The following CNTN1 variants were observed in gnomAD, a reference collection of about 807,000 sequenced individuals.
CNTN1 encodes the protein contactin 1, also known as contactin-1.
A neutral mutation model predicts 126.4 loss-of-function variants in CNTN1; 38 were observed. The ratio of observed to expected loss-of-function variants is 0.30; its 90% CI spans 0.23 to 0.39. The LOEUF (loss-of-function observed/expected upper bound fraction) is 0.39, where lower values mean the gene tolerates loss of function less well. CNTN1 is among the 10% of genes least tolerant of loss of function. The pLI is 1.00. For synonymous variants in CNTN1, 413 were observed against 422.6 expected (o/e 0.98, Z 0.28); for missense variants, 1,009 against 1,248.4 (o/e 0.81, Z 2.89).
At chr12:40,913,862 T>G (rs1001508244) in intron 3 of CNTN1, among the ~76,000 whole-genome samples, 2 of 152,188 alleles carry the variant, frequency 1.3e-5, no homozygotes, top group Admixed American at 6.5e-5. Context: ...CTTAGTCTTT[T>G]TGATCACATT....
At chr12:41,000,259 A>G (rs907097179) in intron 17 of CNTN1, among the ~76,000 whole-genome samples, 2 of 152,208 alleles carry the variant, frequency 1.3e-5, no homozygotes, top group African/African-American at 4.8e-5. Context: ...GGAAGGCAAT[A>G]TTTGATTCAA....
At chr12:40,885,827 TTATCAGGA>T (rs1283701038) in intron 1 of CNTN1, among the ~76,000 whole-genome samples, 1 of 152,058 alleles carries the variant, frequency 6.6e-6, no homozygotes. Flanking sequence ...TTGAGTCTTG[TTATCAGGA>T]GCTGGTATAG....
chr12:40,803,694 A>G (rs1940736165), intron 1 of CNTN1, among the ~76,000 whole-genome samples: 1 of 151,952 alleles, frequency 6.6e-6, no homozygotes, highest in Non-Finnish European at 1.5e-5. Context: ...TGAATTTATT[A>G]TATATGATCT....
At chr12:40,715,448 A>C (rs1392526709) in intron 1 of CNTN1, among the ~76,000 whole-genome samples, 1 of 152,174 alleles carries the variant, frequency 6.6e-6, no homozygotes, top group East Asian at 1.9e-4. Flanking sequence ...CCTTCATTTA[A>C]CATTACTAAT....
chr12:40,850,135 T>G (rs1201255592), intron 1 of CNTN1, among the ~76,000 whole-genome samples: 1 of 152,134 alleles, frequency 6.6e-6, no homozygotes, highest in Non-Finnish European at 1.5e-5. Flanking sequence ...GAAATTGTGA[T>G]TTTTACACAG....
At chr12:40,940,294 A>G (rs1442014467) in intron 12 of CNTN1, among the ~76,000 whole-genome samples, 1 of 152,006 alleles carries the variant, frequency 6.6e-6, no homozygotes, top group Admixed American at 6.6e-5. Flanking sequence ...AATCAGTGTG[A>G]TTTGTCTTTA....
chr12:40,861,374 T>A (rs312282), intron 1 of CNTN1, among the ~76,000 whole-genome samples: 151,700 of 152,284 alleles, frequency 1, 75,560 homozygotes, highest in East Asian at 1. Flanking sequence ...CATACTCATG[T>A]TTAAATTTGC....
At chr12:40,753,644 A>G (rs1042645411) in intron 1 of CNTN1, among the ~76,000 whole-genome samples, 4 of 152,128 alleles carry the variant, frequency 2.6e-5, no homozygotes, top group Non-Finnish European at 5.9e-5. Flanking sequence ...CCCATGATTC[A>G]GTTACCTCCC....
At chr12:40,923,041 C>G (rs1487556957) in intron 5 of CNTN1, among the ~76,000 whole-genome samples, 1 of 151,230 alleles carries the variant, frequency 6.6e-6, no homozygotes, top group African/African-American at 2.4e-5. Context: ...ACTATCACCC[C>G]TAAGGGGGTG....
chr12:41,062,956 C>T (rs1490366596), intron 23 of CNTN1, among the ~76,000 whole-genome samples: 1 of 152,130 alleles, frequency 6.6e-6, no homozygotes, highest in African/African-American at 2.4e-5. Context: ...CCAGAAAATT[C>T]CCAACTGATT....
intron 19 of CNTN1, among the ~76,000 whole-genome samples, chr12:41,019,520 T>A (rs1303795821): frequency 6.6e-6 from 1 of 152,222 alleles, no homozygotes; most frequent in African/African-American, 2.4e-5. Flanking sequence ...AGAACATTTT[T>A]AAACATTAAA....
At chr12:40,722,714 T>A (rs553686849) in intron 1 of CNTN1, among the ~76,000 whole-genome samples, 88 of 152,272 alleles carry the variant, frequency 5.8e-4, no homozygotes, top group African/African-American at 2.1e-3. Flanking sequence ...GTAGAATAAG[T>A]CTAGTAATGT....
intron 1 of CNTN1, among the ~76,000 whole-genome samples, chr12:40,851,647 T>G (rs1455863080): frequency 6.6e-6 from 1 of 152,190 alleles, no homozygotes; most frequent in East Asian, 1.9e-4. Context: ...ATTCTGACCA[T>G]GCACAGTAAA....
chr12:41,068,802 G>T (rs13340830), intron 23 of CNTN1, among the ~76,000 whole-genome samples: 12,649 of 151,982 alleles, frequency 0.083, 796 homozygotes, highest in African/African-American at 0.17. Context: ...AATTTTTTAG[G>T]TCTTCACTCA....
chr12:40,888,996 G>T (rs1261098112), intron 1 of CNTN1, among the ~76,000 whole-genome samples: 1 of 152,260 alleles, frequency 6.6e-6, no homozygotes. Flanking sequence ...CTGTGCCAGG[G>T]ATGCGCTCCA....
intron 15 of CNTN1, among the ~76,000 whole-genome samples, chr12:40,970,164 G>A (rs534368212): frequency 2.3e-4 from 35 of 152,194 alleles, no homozygotes; most frequent in African/African-American, 7.9e-4. Flanking sequence ...GGTAGATACA[G>A]TGACTAATTC....
chr12:41,045,836 C>T (rs576006249), intron 23 of CNTN1, among the ~76,000 whole-genome samples: 11 of 152,206 alleles, frequency 7.2e-5, no homozygotes, highest in African/African-American at 2.6e-4. Flanking sequence ...GATTATCCAG[C>T]CAGTAGTCCT....
At chr12:40,757,367 AT>A (rs1316096129) in intron 1 of CNTN1, among the ~76,000 whole-genome samples, 2 of 152,150 alleles carry the variant, frequency 1.3e-5, no homozygotes, top group African/African-American at 4.8e-5. Context: ...ATCCAAATAT[AT>A]TTTTTAAAGC....
intron 1 of CNTN1, among the ~76,000 whole-genome samples, chr12:40,848,696 T>A (rs370522472): frequency 3.3e-5 from 5 of 152,294 alleles, no homozygotes; most frequent in African/African-American, 7.2e-5. Flanking sequence ...ATGTCACATG[T>A]CTGGTTCCTA....
Sources: gnomAD v4.1 joint callset for allele counts (sites outside exome capture counted in the v4.1 genomes callset) on GRCh38, gnomAD v4.1.1 for gene constraint, MANE v1.5 for transcripts, NCBI Gene and HGNC (gene_info 2026-07-23, HGNC 2026-07-21) for gene names.